The following MYO5A variants were observed in gnomAD, a reference collection of about 807,000 sequenced individuals.
The protein encoded by MYO5A is unconventional myosin-Va.
MYO5A carries 98 observed loss-of-function variants against 249.7 expected under a neutral mutation model. That is an observed-to-expected ratio of 0.39 (90% confidence interval 0.33 to 0.46). The LOEUF is 0.46. Ranked by LOEUF, MYO5A falls within the 20% of genes least tolerant of loss-of-function variation. The pLI is 0.98. For synonymous variants in MYO5A, 778 were observed against 810.6 expected (o/e 0.96, Z 0.68); for missense variants, 1,696 against 2,308.8 (o/e 0.73, Z 5.44).
chr15:52,391,944 C>T lies in MYO5A; in HGVS notation c.1528G>A (p.Asp510Asn). ...ESKLGILDLLDEECKMPKGTD... is the reference protein window; with the variant it reads ...ESKLGILDLLNEECKMPKGTD... ...ATCATACTTACCTTGCATTCCTCAT[C>T]CAGTAAATCTAGAATGCCTAGTTTT... Residue 510 changes from aspartate to asparagine, a missense_variant, in exon 12 of 42, where the codon GAT (aspartate) becomes AAT (asparagine). By Grantham distance (23) the Asp-to-Asn change is conservative. Coordinates refer to ENST00000399233, the MANE Select transcript of MYO5A (RefSeq NM_001382347.1). The T allele has an allele frequency of 6.2e-7, 1 of 1,612,926 alleles. No individual in the cohort carries two copies. The highest frequency in any genetic ancestry group is 1.1e-5 in the South Asian group (1 of 91,034).
At chr15:52,528,940 C>T (rs1464959475), upstream of MYO5A, 1 of 694,388 alleles carries the variant, frequency 1.4e-6, no homozygotes, top group African/African-American at 1.9e-5. Context: ...CGGGGAGGGC[C>T]GCGCGGGGCG....
intron 9 of MYO5A, among the ~76,000 whole-genome samples, chr15:52,405,027 C>T (rs1467245347): frequency 7.1e-6 from 1 of 141,446 alleles, no homozygotes; most frequent in Admixed American, 7.6e-5. Flanking sequence ...TCTATCCAAC[C>T]CTCTCTCTTT....
intron 1 of MYO5A, among the ~76,000 whole-genome samples, chr15:52,464,942 T>C (rs1451024639): frequency 6.6e-6 from 1 of 152,236 alleles, no homozygotes; most frequent in African/African-American, 2.4e-5. Context: ...AATATACACA[T>C]AATTGCTTCC....
At chr15:52,394,421 C>T (rs562580175) in intron 11 of MYO5A, among the ~76,000 whole-genome samples, 8 of 152,206 alleles carry the variant, frequency 5.3e-5, no homozygotes, top group African/African-American at 1.2e-4. Flanking sequence ...GTTAAGAGGA[C>T]GAGCAGAGCA....
At chr15:52,479,222 C>T (rs374096362) in intron 1 of MYO5A, among the ~76,000 whole-genome samples, 2 of 152,012 alleles carry the variant, frequency 1.3e-5, no homozygotes, top group African/African-American at 2.4e-5. Context: ...CAGTGACCTG[C>T]CCTCCTCAGC....
At chr15:52,507,528 G>A (rs1006620504) in intron 1 of MYO5A, among the ~76,000 whole-genome samples, 1 of 152,124 alleles carries the variant, frequency 6.6e-6, no homozygotes, top group Non-Finnish European at 1.5e-5. Flanking sequence ...CTTTAAGAGT[G>A]TGATAAGGGC....
rs1406892673 is a variant in MYO5A, at chr15:52,309,924, C to T, written c.*3772G>A. On this transcript the variant is annotated 3_prime_UTR_variant, in exon 42 of 42. Coordinates refer to ENST00000399233, the MANE Select transcript of MYO5A (RefSeq NM_001382347.1). ...ACTTCTCAGGATGGTGGCAGGTGCC[C>T]ATTTTCCTAGGGTTACCATGAAAGT... is the stretch of plus-strand genomic sequence containing the variant. 2.0e-5 allele frequency: 3 copies of T among 151,986 alleles called. No individual in the cohort carries two copies. The highest frequency in any genetic ancestry group is 4.4e-5 in the Non-Finnish European group (3 of 67,988). 9.4% of individuals were successfully genotyped at this position (151,986 alleles called of 1,614,324 possible). A position where few individuals can be genotyped will look rare whatever the true frequency, so the allele number is the denominator to read the frequency against.
chr15:52,471,109 T>C (rs1252725032), intron 1 of MYO5A, among the ~76,000 whole-genome samples: 3 of 152,156 alleles, frequency 2.0e-5, no homozygotes, highest in African/African-American at 7.2e-5. Context: ...AGCTAGTATT[T>C]ATCTTTTCCC....
intron 2 of MYO5A, among the ~76,000 whole-genome samples, chr15:52,431,785 A>G (rs910635132): frequency 6.6e-6 from 1 of 152,034 alleles, no homozygotes; most frequent in African/African-American, 2.4e-5. Flanking sequence ...CAGGAGTTCG[A>G]GACTAGCCTG....
intron 12 of MYO5A, among the ~76,000 whole-genome samples, chr15:52,389,828 C>G (rs575325206): frequency 6.6e-6 from 1 of 152,178 alleles, no homozygotes; most frequent in Admixed American, 6.5e-5. Context: ...GTGGTGGGCA[C>G]CTGTAATCCC....
At chr15:52,511,533 G>A (rs956385062) in intron 1 of MYO5A, among the ~76,000 whole-genome samples, 1 of 152,150 alleles carries the variant, frequency 6.6e-6, no homozygotes, top group Non-Finnish European at 1.5e-5. Flanking sequence ...ATGCATGCAA[G>A]AGCTTGACAA....
chr15:52,509,703 C>T (rs1665906620), intron 1 of MYO5A, among the ~76,000 whole-genome samples: 1 of 152,212 alleles, frequency 6.6e-6, no homozygotes, highest in African/African-American at 2.4e-5. Flanking sequence ...AGATCAGGCA[C>T]TGCTCTCTTG....
intron 21 of MYO5A, among the ~76,000 whole-genome samples, chr15:52,371,085 C>T (rs1485638398): frequency 1.3e-5 from 2 of 151,804 alleles, no homozygotes; most frequent in Admixed American, 6.6e-5. Context: ...TGTACTTTAG[C>T]CTGGGTGACA....
chr15:52,425,626 C>G (rs1264726441), intron 4 of MYO5A, among the ~76,000 whole-genome samples: 2 of 152,156 alleles, frequency 1.3e-5, no homozygotes, highest in Non-Finnish European at 2.9e-5. Flanking sequence ...TCCCAAAGTG[C>G]TGGGAATACA....
chr15:52,317,001 T>C lies in MYO5A; in HGVS notation c.5409+47A>G, dbSNP rs753716490. ...GACTTCTTTACTTCCCTAAAGATCATCTTTGATGAATGTTAAATTATTTTG... is the reference window on the plus strand; with the variant it reads ...GACTTCTTTACTTCCCTAAAGATCACCTTTGATGAATGTTAAATTATTTTG... On this transcript the variant is annotated intron_variant, in intron 40 of 41. Coordinates refer to ENST00000399233, the MANE Select transcript of MYO5A (RefSeq NM_001382347.1). The C allele has an allele frequency of 5.7e-6, 9 of 1,579,696 alleles. No individual in the cohort carries two copies. The African/African-American group carries it at 1.1e-4, about 19-fold the overall frequency.
chr15:52,519,516 C>T (rs2077568203), intron 1 of MYO5A, among the ~76,000 whole-genome samples: 1 of 151,798 alleles, frequency 6.6e-6, no homozygotes, highest in Non-Finnish European at 1.5e-5. Context: ...GGAGGCTGAG[C>T]TGGGAGGGCT....
intron 4 of MYO5A, among the ~76,000 whole-genome samples, chr15:52,418,297 G>T (rs1172476712): frequency 6.6e-6 from 1 of 152,146 alleles, no homozygotes; most frequent in African/African-American, 2.4e-5. Context: ...TTTCCAGAAG[G>T]TCTAATGTGA....
At chr15:52,498,478 A>C (rs1464865752) in intron 1 of MYO5A, among the ~76,000 whole-genome samples, 1 of 152,198 alleles carries the variant, frequency 6.6e-6, no homozygotes, top group East Asian at 1.9e-4. Flanking sequence ...CCTAAGAAAT[A>C]AGTGTGATTT....
chr15:52,498,506 T>C (rs1029873435), intron 1 of MYO5A, among the ~76,000 whole-genome samples: 2 of 152,188 alleles, frequency 1.3e-5, no homozygotes, highest in Non-Finnish European at 2.9e-5. Flanking sequence ...TATTTATTAA[T>C]TTGTTTGGTT....
Sources: allele counts gnomAD v4.1 joint callset (sites outside exome capture counted in the v4.1 genomes callset), GRCh38; gene constraint gnomAD v4.1.1; transcripts MANE v1.5; gene names NCBI Gene and HGNC (gene_info 2026-07-23, HGNC 2026-07-21).